SERPINB9: variants seen among roughly 807,000 people sequenced by gnomAD.
The protein encoded by SERPINB9 is serpin B9.
In SERPINB9, 20 loss-of-function variants were observed where a neutral mutation model predicts 27.2. The ratio of observed to expected loss-of-function variants is 0.74; its 90% CI spans 0.52 to 1.07. The LOEUF (loss-of-function observed/expected upper bound fraction) is 1.07, where lower values mean the gene tolerates loss of function less well. Ranked by LOEUF, SERPINB9 falls within the 50% of genes least tolerant of loss-of-function variation. The pLI is 0.00. For missense variants in SERPINB9, 476 were observed against 460.1 expected (o/e 1.03, Z -0.32); for synonymous variants, 189 against 180.0 (o/e 1.05, Z -0.40).
chr6:2,898,814 GAA>G (rs750239601), intron 2 of SERPINB9, among the ~76,000 whole-genome samples: 4 of 137,336 alleles, frequency 2.9e-5, no homozygotes, highest in Admixed American at 7.3e-5. Flanking sequence ...ACTCTGTCTC[GAA>G]AAAAAAAAAA....
rs1379200877 is a variant in SERPINB9 at position 2,888,978 on chromosome 6, C to T, written c.*1185G>A. 6.6e-6 allele frequency: 1 copy of T among 152,018 alleles called. No individual in the cohort carries two copies. Among genetic ancestry groups the T allele is most frequent in the African/African-American group, 2.4e-5 (1 of 41,368 alleles). 9.4% of individuals were successfully genotyped at this position (152,018 alleles called of 1,614,324 possible). A position where few individuals can be genotyped will look rare whatever the true frequency, so the allele number is the denominator to read the frequency against. On this transcript the variant is annotated 3_prime_UTR_variant, in exon 7 of 7. Coordinates refer to ENST00000380698, the MANE Select transcript of SERPINB9 (RefSeq NM_004155.6). Reference sequence around the variant, plus strand: ...GCACCCAGATATGTAAGACAGAGTCCCAACCTTTGGTTGTTGGAGGACTAT... The same window carrying T: ...GCACCCAGATATGTAAGACAGAGTCTCAACCTTTGGTTGTTGGAGGACTAT...
At chr6:2,902,922 G>A (rs1487989528) in intron 1 of SERPINB9, among the ~76,000 whole-genome samples, 1 of 152,222 alleles carries the variant, frequency 6.6e-6, no homozygotes, top group Non-Finnish European at 1.5e-5. Flanking sequence ...AGGTGGGGAG[G>A]AGGCTGCAGG....
rs185306486 is a variant in SERPINB9 at position 2,894,380 on chromosome 6, C to T, written c.425-827G>A. Among the ~76,000 whole-genome samples the T allele has an allele frequency of 9.9e-5, 15 of 152,268 alleles. No homozygotes were observed. Among genetic ancestry groups the T allele is most frequent in the Admixed American group, 5.9e-4 (9 of 15,304 alleles). On this transcript the variant is annotated intron_variant, in intron 4 of 6. Coordinates refer to ENST00000380698, the MANE Select transcript of SERPINB9 (RefSeq NM_004155.6). The surrounding 1 kb of genome is among the most constrained non-coding windows in gnomAD (Gnocchi z 4.7). ...GGTCTTGGAGGCCTAGACTGGAACA[C>T]GTCACTTTCTGAAATGTAGATGAAT...
chr6:2,898,252 A>T (rs959596718), intron 2 of SERPINB9, among the ~76,000 whole-genome samples: 10 of 152,058 alleles, frequency 6.6e-5, no homozygotes, highest in African/African-American at 2.4e-4. Flanking sequence ...TGCAATACAC[A>T]CTGTTCTATA....
Position 2,891,833 on chromosome 6 carries a change from C to G in SERPINB9, c.723G>C (p.Thr241=). 1 of 1,595,016 alleles carries G rather than the reference C, an allele frequency of 6.3e-7. No homozygotes were observed. Residue 241 remains threonine, a splice_region_variant and synonymous_variant, in exon 6 of 7, where the codon ACG becomes ACC. Coordinates refer to ENST00000380698, the MANE Select transcript of SERPINB9 (RefSeq NM_004155.6). The surrounding 1 kb of genome is among the most constrained non-coding windows in gnomAD (Gnocchi z 4.0). ...GTTCTTCCCGCAGCCCGGGTCTTAC[C>G]GTGCTGAGCTCCACGCCGTCGTCAG... ...LLPDDGVELS[T]VEKSLTFEKL...
Position 2,890,722 on chromosome 6 carries a change from C to G in SERPINB9, c.724-152G>C. ...TTCATCTGCCAGAAGCTTGTGAGCA[C>G]TCTTACTTGTCCTATGTCCCATGTG... On this transcript the variant is annotated intron_variant, in intron 6 of 6. Coordinates refer to ENST00000380698, the MANE Select transcript of SERPINB9 (RefSeq NM_004155.6). The surrounding 1 kb of genome is among the most constrained non-coding windows in gnomAD (Gnocchi z 6.2). The G allele has an allele frequency of 2.8e-6, 2 of 720,624 alleles. No homozygotes were observed. Among genetic ancestry groups the G allele is most frequent in the Non-Finnish European group, 4.5e-6 (2 of 441,410 alleles). The allele number at this position is 720,624 out of a possible 1,614,324, so 44.6% of individuals were successfully genotyped here.
At position 2,900,435 on chromosome 6, in the gene SERPINB9, C is replaced by T; in HGVS notation, c.168+9G>A. ...CCAGTCCCTGCTCCTGGCGGACGGGCAAGCTTACCTGGGCCATCTGGGTTG... is the reference window on the plus strand; with the variant it reads ...CCAGTCCCTGCTCCTGGCGGACGGGTAAGCTTACCTGGGCCATCTGGGTTG... On this transcript the variant is annotated intron_variant, in intron 2 of 6. Transcript: ENST00000380698. 6.2e-7 allele frequency: 1 copy of T among 1,613,358 alleles called. No individual in the cohort carries two copies.
rs572160950 is a variant in SERPINB9, at chr6:2,898,589, G to A, written c.168+1855C>T. On this transcript the variant is annotated intron_variant, in intron 2 of 6. Transcript: ENST00000380698. ...TCCCAGCACTTTGGGAGGCCAAGGC[G>A]GGTGGATCACGAGGTCAGGTGATCG... 2.3e-4 allele frequency among the ~76,000 whole-genome samples: 35 copies of A among 152,334 alleles called. No homozygotes were observed. The East Asian group carries it at 6.4e-3, about 28-fold the overall frequency.
Position 2,890,342 on chromosome 6 carries a change from T to C in SERPINB9, c.952A>G (p.Ser318Gly). The C allele has an allele frequency of 1.2e-6, 2 of 1,614,128 alleles. No homozygotes were observed. Among genetic ancestry groups the C allele is most frequent in the Non-Finnish European group, 1.7e-6 (2 of 1,180,030 alleles). The change falls in exon 7 of 7, where the codon AGT becomes GGT. Residue 318 changes from serine (S) to glycine (G), a missense_variant. Ser to Gly is a moderately conservative substitution (Grantham distance 56). Coordinates refer to ENST00000380698, the MANE Select transcript of SERPINB9 (RefSeq NM_004155.6). The surrounding 1 kb of genome is among the most constrained non-coding windows in gnomAD (Gnocchi z 6.2). ...CCTTCTTCATTCACCTCCACAAAAC[T>C]CTTGTGCACGAACTTGGACAGACAC... ...DLCLSKFVHK[S>G]FVEVNEEGTE... is the part of the protein sequence containing the mutation.
rs1767759487 is a variant in SERPINB9 at position 2,890,462 on chromosome 6, A to G, written c.832T>C (p.Tyr278His). 6.2e-7 allele frequency: 1 copy of G among 1,614,050 alleles called. No homozygotes were observed. Among genetic ancestry groups the G allele is most frequent in the African/African-American group, 1.3e-5 (1 of 74,914 alleles). ...LLPKFKLQEDYDMESVLRHLG... is the reference protein window; with the variant it reads ...LLPKFKLQEDHDMESVLRHLG... ...TGCCGAAGCACAGATTCCATGTCAT[A>G]ATCCTCTTGTAGTTTAAATTTTGGA... Residue 278 changes from tyrosine to histidine, a missense_variant, in exon 7 of 7, where the codon TAT (tyrosine) becomes CAT (histidine). Tyr to His is a moderately conservative substitution (Grantham distance 83). Coordinates refer to ENST00000380698, the MANE Select transcript of SERPINB9 (RefSeq NM_004155.6). This position sits in a 1 kb window ranked among gnomAD's most constrained non-coding sequence, Gnocchi z 6.2.
Position 2,889,466 on chromosome 6 carries a change from C to A in SERPINB9, c.*697G>T, listed in dbSNP as rs536159424. 10 of 151,868 alleles carry A rather than the reference C, an allele frequency of 6.6e-5. No individual in the cohort carries two copies. Among genetic ancestry groups the A allele is most frequent in the African/African-American group, 2.4e-4 (10 of 41,302 alleles). 9.4% of individuals were successfully genotyped at this position (151,868 alleles called of 1,614,324 possible). A position where few individuals can be genotyped will look rare whatever the true frequency, so the allele number is the denominator to read the frequency against. On this transcript the variant is annotated 3_prime_UTR_variant, in exon 7 of 7. Transcript: ENST00000380698. ...ATCCCAGCACTTTGGGAGGCCGAGG[C>A]GGGTGGATCACGAGGTCAGGAGATC...
chr6:2,900,145 A>T (rs1768146373), intron 2 of SERPINB9: 2 of 453,334 alleles, frequency 4.4e-6, no homozygotes, highest in East Asian at 8.4e-5. Context: ...GTTTCAAATA[A>T]TTTCAGTGTC....
chr6:2,897,134 A>C (rs1419567519), intron 2 of SERPINB9, among the ~76,000 whole-genome samples: 26 of 151,518 alleles, frequency 1.7e-4, no homozygotes, highest in African/African-American at 6.1e-4. Context: ...AAAAAAAAAA[A>C]AAAAACACAA....
chr6:2,893,666 T>C (rs1767901211), intron 4 of SERPINB9, 113 bp from the exon 5 acceptor site: 1 of 931,724 alleles, frequency 1.1e-6, no homozygotes, highest in East Asian at 2.6e-5. Context: ...TTTGCTGAGT[T>C]TGGGTTGTTA....
At chr6:2,901,412 C>T (rs1434372459) in intron 1 of SERPINB9, among the ~76,000 whole-genome samples, 1 of 152,220 alleles carries the variant, frequency 6.6e-6, no homozygotes, top group African/African-American at 2.4e-5. Flanking sequence ...GAGCTTTACT[C>T]ATTACTCCCA....
At position 2,896,137 on chromosome 6, in the gene SERPINB9, G is replaced by A. The variant is rs1220024142; in HGVS notation, c.222C>T (p.Leu74=). ...GTGTGCCAGCCTTGTTCACTTCAGT[G>A]AGAAGCGACTGGAAAGCCCGATGAA... The part of the protein sequence containing the change: ...EDIHRAFQSL[L]TEVNKAGTQY... The change falls in exon 3 of 7, where the codon CTC becomes CTT. Residue 74 remains leucine, a synonymous_variant. Transcript: ENST00000380698. 3 of 1,613,986 alleles carry A rather than the reference G, an allele frequency of 1.9e-6. No individual in the cohort carries two copies. Among genetic ancestry groups the A allele is most frequent in the East Asian group, 2.2e-5 (1 of 44,898 alleles).
At chr6:2,892,105 TA>T (rs535487251) in intron 5 of SERPINB9, 117 bp from the exon 6 acceptor site, 275 of 117,996 alleles carry the variant, frequency 2.3e-3, no homozygotes, top group African/African-American at 0.011. Flanking sequence ...CAGTTAACAC[TA>T]AAAAAAAAAA....
rs368601575 is a variant in SERPINB9, at chr6:2,890,313, G to A, written c.981C>T (p.Thr327=). ...AGCAGCTCGACGCTGCCGCTGCCTC[G>A]GTGCCTTCTTCATTCACCTCCACAA... is the stretch of plus-strand genomic sequence containing the variant. ...KSFVEVNEEG[T]EAAAASSCFV... The change falls in exon 7 of 7, where the codon ACC becomes ACT. Residue 327 remains threonine, a synonymous_variant. Transcript: ENST00000380698. The surrounding 1 kb of genome is among the most constrained non-coding windows in gnomAD (Gnocchi z 6.2). 6.9e-5 allele frequency: 112 copies of A among 1,614,004 alleles called. No homozygotes were observed. Among genetic ancestry groups the A allele is most frequent in the Admixed American group, 8.3e-5 (5 of 59,998 alleles).
intron 5 of SERPINB9, among the ~76,000 whole-genome samples, chr6:2,892,415 T>C (rs1345432222): frequency 6.6e-6 from 1 of 152,214 alleles, no homozygotes; most frequent in Non-Finnish European, 1.5e-5. Context: ...ATGAAACTTA[T>C]AGTTCCACAA....
Sources: gnomAD v4.1 joint callset for allele counts (sites outside exome capture counted in the v4.1 genomes callset) on GRCh38, gnomAD v4.1.1 for gene constraint, Gnocchi (gnomAD v3.1) non-coding constraint, MANE v1.5 for transcripts, NCBI Gene and HGNC (gene_info 2026-07-23, HGNC 2026-07-21) for gene names.